The following PCDHA13 variants were observed in gnomAD, a reference collection of about 807,000 sequenced individuals.
The protein encoded by PCDHA13 is protocadherin alpha-13.
PCDHA13 carries 54 observed loss-of-function variants against 64.8 expected under a neutral mutation model. That is an observed-to-expected ratio of 0.83 (90% CI 0.67 to 1.04). The LOEUF (loss-of-function observed/expected upper bound fraction) is 1.04, where lower values mean the gene tolerates loss of function less well. Among genes scored for constraint, PCDHA13 ranks in the 50% least tolerant of loss-of-function variants. The pLI is 0.00. For synonymous variants in PCDHA13, 587 were observed against 564.4 expected (o/e 1.04, Z -0.57); for missense variants, 1,248 against 1,254.3 (o/e 0.99, Z 0.08).
At position 140,884,486 on chromosome 5, in the gene PCDHA13, G is replaced by T; in HGVS notation, c.2218G>T (p.Val740Leu). ...GTGCGCGCCGGGCAAGCCCACTCTA[G>T]TGTGCTCCAGCGCGGCAGGGAGTTG... is the stretch of plus-strand genomic sequence containing the variant. ...GACAPGKPTLVCSSAAGSWSY... is the reference protein window; with the variant it reads ...GACAPGKPTLLCSSAAGSWSY... The change falls in exon 1 of 4, where the codon GTG becomes TTG. Residue 740 changes from valine to leucine, a missense_variant. Physicochemically the swap from Val to Leu is conservative, Grantham distance 32. Coordinates refer to ENST00000289272, the MANE Select transcript of PCDHA13 (RefSeq NM_018904.3). 6.2e-7 allele frequency: 1 copy of T among 1,614,030 alleles called. No individual in the cohort carries two copies. Among genetic ancestry groups the T allele is most frequent in the Non-Finnish European group, 8.5e-7 (1 of 1,179,968 alleles).
chr5:140,957,385 A>G (rs1166781130), intron 1 of PCDHA13, among the ~76,000 whole-genome samples: 1 of 152,192 alleles, frequency 6.6e-6, no homozygotes, highest in Non-Finnish European at 1.5e-5. Flanking sequence ...GTGTATTGTT[A>G]TAATTGTCCT....
chr5:141,000,389 C>CTATA (rs2097911342), intron 3 of PCDHA13, among the ~76,000 whole-genome samples: 3 of 62,588 alleles, frequency 4.8e-5, no homozygotes, highest in Non-Finnish European at 8.6e-5. Flanking sequence ...CTCTCTCTCT[C>CTATA]TCTCTCTATA....
At chr5:140,920,000 A>T (rs1486623735) in intron 1 of PCDHA13, among the ~76,000 whole-genome samples, 1 of 152,178 alleles carries the variant, frequency 6.6e-6, no homozygotes, top group Non-Finnish European at 1.5e-5. Flanking sequence ...GACACAGAGG[A>T]AAAGGCCATG....
At chr5:140,945,024 A>G (rs1554216669) in intron 1 of PCDHA13, among the ~76,000 whole-genome samples, 1 of 152,122 alleles carries the variant, frequency 6.6e-6, no homozygotes, top group Non-Finnish European at 1.5e-5. Flanking sequence ...TTTTACTCAG[A>G]CATAATTATC....
chr5:140,969,348 G>A, intron 1 of PCDHA13: 5 of 1,613,304 alleles, frequency 3.1e-6, no homozygotes, highest in Non-Finnish European at 4.2e-6. Flanking sequence ...CAGTGGTCAG[G>A]GGGTCTTCTA....
intron 1 of PCDHA13, among the ~76,000 whole-genome samples, chr5:140,898,621 C>T (rs1356286726): frequency 8.5e-5 from 13 of 152,312 alleles, no homozygotes; most frequent in African/African-American, 2.6e-4. Flanking sequence ...AGTCAGGTAG[C>T]ATAATGCCTC....
Position 140,891,839 on chromosome 5 carries a change from T to C in PCDHA13, c.2394+7177T>C, listed in dbSNP as rs10074902. Among the ~76,000 whole-genome samples, 663 of 152,284 alleles carry C rather than the reference T, an allele frequency of 4.4e-3. 7 individuals carry two copies. The highest frequency in any genetic ancestry group is 0.015 in the African/African-American group (618 of 41,564). On this transcript the variant is annotated intron_variant, in intron 1 of 3. Coordinates refer to ENST00000289272, the MANE Select transcript of PCDHA13 (RefSeq NM_018904.3). ...TTAACGGCACTGTAAAAGGACTTGA[T>C]GGAAGGAGCCTGTCCCTCTCTTATG...
intron 1 of PCDHA13, among the ~76,000 whole-genome samples, chr5:140,893,709 G>A (rs141117049): frequency 6.6e-6 from 1 of 152,250 alleles, no homozygotes; most frequent in East Asian, 1.9e-4. Flanking sequence ...AGCCTGTAAA[G>A]CTTCTGCTGA....
intron 1 of PCDHA13, chr5:140,927,472 G>A (rs201932518): frequency 1.6e-4 from 264 of 1,614,094 alleles, no homozygotes; most frequent in Non-Finnish European, 2.0e-4. Context: ...ACTGGATCGC[G>A]AACAGCGCGC....
At chr5:140,925,545 T>C (rs2082554124) in intron 1 of PCDHA13, among the ~76,000 whole-genome samples, 1 of 151,896 alleles carries the variant, frequency 6.6e-6, no homozygotes, top group Non-Finnish European at 1.5e-5. Flanking sequence ...ATACCTAATG[T>C]AAATGACAAG....
chr5:140,884,702 T>C (rs1362804646), intron 1 of PCDHA13, 40 bp downstream of exon 1: 7 of 1,495,380 alleles, frequency 4.7e-6, no homozygotes, highest in East Asian at 4.7e-5. Context: ...GTAAACACTT[T>C]AGCCTTCCTT....
chr5:141,010,373 G>A lies in PCDHA13; in HGVS notation c.*436G>A, dbSNP rs1554262916. 6.8e-7 allele frequency: 1 copy of A among 1,463,988 alleles called. No homozygotes were observed. Among genetic ancestry groups the A allele is most frequent in the Admixed American group, 2.4e-5 (1 of 41,618 alleles). The allele number at this position is 1,463,988 out of a possible 1,614,324, so 90.7% of individuals were successfully genotyped here. ...GTGTGGCTACCGCGGGTATGCGAGT[G>A]CCAGATATTGGCTGAGACGAGCCAG... On this transcript the variant is annotated 3_prime_UTR_variant, in exon 4 of 4. Coordinates refer to ENST00000289272, the MANE Select transcript of PCDHA13 (RefSeq NM_018904.3).
rs898079440 is a variant in PCDHA13, at chr5:140,897,263, A to T, written c.2394+12601A>T. Among the ~76,000 whole-genome samples, 4 of 151,888 alleles carry T rather than the reference A, an allele frequency of 2.6e-5. No individual in the cohort carries two copies. The South Asian group carries it at 6.2e-4, about 24-fold the overall frequency. On this transcript the variant is annotated intron_variant, in intron 1 of 3. Transcript: ENST00000289272. Reference sequence around the variant, plus strand: ...TTAGTTACATATGTATACATGTGCCATGCTGGTGTGCTGCACCCATTAACT... The same window carrying T: ...TTAGTTACATATGTATACATGTGCCTTGCTGGTGTGCTGCACCCATTAACT...
At chr5:140,943,791 C>G (rs74565063) in intron 1 of PCDHA13, among the ~76,000 whole-genome samples, 2,339 of 152,200 alleles carry the variant, frequency 0.015, 18 homozygotes, top group Middle Eastern at 0.027. Flanking sequence ...GTCCTTTATG[C>G]AAAGCAAAAG....
chr5:140,906,846 G>T (rs2072987315), intron 1 of PCDHA13, among the ~76,000 whole-genome samples: 1 of 152,186 alleles, frequency 6.6e-6, no homozygotes, highest in Non-Finnish European at 1.5e-5. Context: ...CATCTTGAGA[G>T]TCTGGGTCAG....
At chr5:140,917,326 G>GT (rs1425389614) in intron 1 of PCDHA13, among the ~76,000 whole-genome samples, 1 of 149,490 alleles carries the variant, frequency 6.7e-6, no homozygotes, top group Non-Finnish European at 1.5e-5. Flanking sequence ...TCATGTGGCG[G>GT]GGGAGGGGGG....
chr5:140,940,437 C>T (rs1212783028), intron 1 of PCDHA13, among the ~76,000 whole-genome samples: 1 of 151,730 alleles, frequency 6.6e-6, no homozygotes, highest in Non-Finnish European at 1.5e-5. Context: ...TCAAGTCTGC[C>T]ATGATATTTT....
chr5:140,990,184 A>G lies in PCDHA13; in HGVS notation c.2542+7621A>G, dbSNP rs1230599539. 1.3e-5 allele frequency among the ~76,000 whole-genome samples: 2 copies of G among 152,158 alleles called. 1 individual carries two copies. The highest frequency in any genetic ancestry group is 2.9e-5 in the Non-Finnish European group (2 of 68,034). ...GGGTATGAAAAGGTGACTTTTAAGA[A>G]CCAAATGTGGACCCGAAAGAGAACA... is the stretch of plus-strand genomic sequence containing the variant. On this transcript the variant is annotated intron_variant, in intron 3 of 3. Transcript: ENST00000289272.
chr5:140,961,639 G>A (rs2095626284), intron 1 of PCDHA13, among the ~76,000 whole-genome samples: 1 of 152,144 alleles, frequency 6.6e-6, no homozygotes, highest in East Asian at 1.9e-4. Flanking sequence ...ACAATCTTAA[G>A]TCTATGTGGT....
Sources: gnomAD v4.1 joint callset for allele counts (sites outside exome capture counted in the v4.1 genomes callset) on GRCh38, gnomAD v4.1.1 for gene constraint, MANE v1.5 for transcripts, NCBI Gene and HGNC (gene_info 2026-07-23, HGNC 2026-07-21) for gene names.